Variants in RMC1 observed in about 807,000 individuals in gnomAD.
The protein encoded by RMC1 is regulator of MON1-CCZ1 complex.
A neutral mutation model predicts 95.5 loss-of-function variants in RMC1; 44 were observed. The ratio of observed to expected loss-of-function variants is 0.46; its 90% CI spans 0.36 to 0.59. RMC1 has a LOEUF of 0.59. Among genes scored for constraint, RMC1 ranks in the 20% least tolerant of loss-of-function variants. RMC1 has a pLI of 0.00. For synonymous variants in RMC1, 320 were observed against 303.6 expected, an observed-to-expected ratio of 1.05 and a Z score of -0.56; for missense variants, 705 against 819.6, an observed-to-expected ratio of 0.86 and a Z score of 1.71.
chr18:23,531,487 T>G, intron 19 of RMC1, 138 bp from the exon 20 acceptor site: 1 of 1,451,558 alleles, frequency 6.9e-7, no homozygotes, highest in Non-Finnish European at 9.0e-7. Context: ...GCAGATAGGG[T>G]AACCCCAAAA....
chr18:23,514,296 T>G (rs1598862001), intron 5 of RMC1, among the ~76,000 whole-genome samples: 1 of 152,184 alleles, frequency 6.6e-6, no homozygotes, highest in East Asian at 1.9e-4. Context: ...TGGGCGATCA[T>G]CTGAGGTCAG....
exon 20 of RMC1, chr18:23,531,818 A>AAAAATATGGTATAGAACTTGT: frequency 6.7e-7 from 1 of 1,501,554 alleles, no homozygotes; most frequent in Non-Finnish European, 8.8e-7. Flanking sequence ...AACTGTCACT[A>AAAAATATGGTATAGAACTTGT]AAAATATGGT....
rs1335003152 is a variant in RMC1, at chr18:23,531,717, T to G, written c.*13T>G. 1 of 1,599,394 alleles carries G rather than the reference T, an allele frequency of 6.3e-7. No individual in the cohort carries two copies. Among genetic ancestry groups the G allele is most frequent in the East Asian group, 2.2e-5 (1 of 44,798 alleles). On this transcript the variant is annotated 3_prime_UTR_variant, in exon 20 of 20. Coordinates refer to ENST00000269221, the MANE Select transcript of RMC1 (RefSeq NM_013326.5). ...TACAACATTCTGAAATCACTTGCTG[T>G]TTTTTTATATAAAAATGTGTACAAA...
intron 7 of RMC1, among the ~76,000 whole-genome samples, chr18:23,517,951 C>T (rs563496167): frequency 2.6e-5 from 4 of 152,238 alleles, no homozygotes; most frequent in Admixed American, 1.3e-4. Flanking sequence ...CTCCTGGGCT[C>T]GGGTGATCCT....
intron 12 of RMC1, among the ~76,000 whole-genome samples, chr18:23,526,322 C>G (rs1359985511): frequency 6.6e-6 from 1 of 152,182 alleles, no homozygotes; most frequent in Non-Finnish European, 1.5e-5. Flanking sequence ...GGGGCTAGGT[C>G]TAGGGAAGTC....
Position 23,503,511 on chromosome 18 carries a change from A to T in RMC1, c.-108A>T. On this transcript the variant is annotated 5_prime_UTR_variant, in exon 1 of 20. Coordinates refer to ENST00000269221, the MANE Select transcript of RMC1 (RefSeq NM_013326.5). ...AGGAAGCGGCGTCCGCGCCGGGCCC[A>T]GAGCCGCAGCCGCAGCCGCCGCTAC... is the stretch of plus-strand genomic sequence containing the variant. The T allele has an allele frequency of 1.5e-6, 1 of 667,288 alleles. No homozygotes were observed. Among genetic ancestry groups the T allele is most frequent in the Non-Finnish European group, 2.1e-6 (1 of 466,630 alleles). The allele number at this position is 667,288 out of a possible 1,614,324, so 41.3% of individuals were successfully genotyped here.
intron 5 of RMC1, among the ~76,000 whole-genome samples, chr18:23,512,347 A>G (rs568120204): frequency 1.3e-5 from 2 of 152,128 alleles, no homozygotes; most frequent in African/African-American, 4.8e-5. Flanking sequence ...TGCATTTTAC[A>G]TTACTAGGGA....
At chr18:23,528,524 A>G (rs2058376209) in intron 14 of RMC1, 1 of 153,080 alleles carries the variant, frequency 6.5e-6, no homozygotes, top group South Asian at 2.1e-4. Context: ...TTAAACCAAC[A>G]AAAGCCCCAG....
rs147613564 is a variant in RMC1 at position 23,527,070 on chromosome 18, CAT to C, written c.1189+308_1189+309del. The stretch of plus-strand genomic sequence containing the variant: ...CTTTCAAAATCCAAGCCACTCACTG[CAT>C]ATGTGTCTTCTTTAAGAATCCCCTA... On this transcript the variant is annotated intron_variant, in intron 13 of 19. Coordinates refer to ENST00000269221, the MANE Select transcript of RMC1 (RefSeq NM_013326.5). 5.1e-3 allele frequency among the ~76,000 whole-genome samples: 776 copies of C among 152,210 alleles called. 5 individuals carry two copies. The highest frequency in any genetic ancestry group is 0.018 in the African/African-American group (739 of 41,520).
intron 9 of RMC1, 47 bp downstream of exon 9, chr18:23,519,221 C>T (rs1420843968): frequency 1.3e-6 from 2 of 1,562,294 alleles, no homozygotes; most frequent in Admixed American, 1.7e-5. Flanking sequence ...GCTTAAAAGC[C>T]TTGTGAAAAT....
chr18:23,510,533 G>C (rs1206630700), intron 5 of RMC1, among the ~76,000 whole-genome samples: 1 of 152,086 alleles, frequency 6.6e-6, no homozygotes, highest in African/African-American at 2.4e-5. Flanking sequence ...TGTAATCCCA[G>C]CTACTAGGGA....
At chr18:23,512,256 A>T (rs1456612578) in intron 5 of RMC1, among the ~76,000 whole-genome samples, 1 of 151,334 alleles carries the variant, frequency 6.6e-6, no homozygotes, top group Non-Finnish European at 1.5e-5. Flanking sequence ...CCTGGCCTCA[A>T]ATAATCCACC....
intron 14 of RMC1, chr18:23,528,353 C>G (rs2058369863): frequency 1.3e-5 from 2 of 157,012 alleles, no homozygotes; most frequent in African/African-American, 4.8e-5. Flanking sequence ...TAGCACTTAG[C>G]AGGCGTGTTT....
Position 23,520,326 on chromosome 18 carries a change from C to G in RMC1, c.961+13C>G. 1 of 1,596,464 alleles carries G rather than the reference C, an allele frequency of 6.3e-7. No individual in the cohort carries two copies. Among genetic ancestry groups the G allele is most frequent in the Non-Finnish European group, 8.6e-7 (1 of 1,164,352 alleles). Reference sequence around the variant, plus strand: ...ATCCCCATCACAGGTAACACGGGTTCTGTAGAGGAGTCTGTGCTGCCCTTT... The same window carrying G: ...ATCCCCATCACAGGTAACACGGGTTGTGTAGAGGAGTCTGTGCTGCCCTTT... On this transcript the variant is annotated intron_variant, in intron 10 of 19. Transcript: ENST00000269221.
rs375614002 is a variant in RMC1 at position 23,518,005 on chromosome 18, G to A, written c.654-885G>A. Among the ~76,000 whole-genome samples the A allele has an allele frequency of 5.8e-4, 89 of 152,268 alleles. 2 individuals are homozygous for A. Among genetic ancestry groups the A allele is most frequent in the East Asian group, 2.1e-3 (11 of 5,172 alleles). ...AGTGCTGGGTTTATAGGCATGAGCC[G>A]CCGTGCCCAGCCAGCATTCCTGTTT... On this transcript the variant is annotated intron_variant, in intron 7 of 19. Coordinates refer to ENST00000269221, the MANE Select transcript of RMC1 (RefSeq NM_013326.5).
intron 5 of RMC1, among the ~76,000 whole-genome samples, chr18:23,511,911 CAT>C (rs769970741): frequency 3.7e-4 from 56 of 151,984 alleles, no homozygotes; most frequent in African/African-American, 9.6e-4. Context: ...TTCTTCTAGA[CAT>C]GTGTATTTTC....
chr18:23,524,633 G>A (rs2058240278), intron 12 of RMC1, 151 bp downstream of exon 12: 1 of 705,698 alleles, frequency 1.4e-6, no homozygotes, highest in Non-Finnish European at 2.4e-6. Flanking sequence ...CACTTTATAC[G>A]TTTTTTACTA....
In RMC1 at chr18:23,509,548, A is replaced by ATTATT. The variant is rs543607446; in HGVS notation, c.408+292_408+296dup. On this transcript the variant is annotated intron_variant, in intron 5 of 19. Transcript: ENST00000269221. ...CCATGCCTGGCTAATTTTTCTTTTT[A>ATTATT]TTATTTTATTTTATTTTATTTTATT... is the stretch of plus-strand genomic sequence containing the variant. 526 of 181,084 alleles carry ATTATT rather than the reference A, an allele frequency of 2.9e-3. 2 individuals carry two copies. Among genetic ancestry groups the ATTATT allele is most frequent in the Non-Finnish European group, 4.6e-3 (404 of 88,588 alleles). 11.2% of individuals were successfully genotyped at this position (181,084 alleles called of 1,614,324 possible).
At chr18:23,529,401 A>C in intron 15 of RMC1, 103 bp downstream of exon 15, 1 of 1,468,542 alleles carries the variant, frequency 6.8e-7, no homozygotes, top group Non-Finnish European at 9.0e-7. Flanking sequence ...TGAAGTGATT[A>C]GAATCACTGG....
Sources: gnomAD v4.1 joint callset for allele counts (sites outside exome capture counted in the v4.1 genomes callset) on GRCh38, gnomAD v4.1.1 for gene constraint, MANE v1.5 for transcripts, NCBI Gene and HGNC (gene_info 2026-07-23, HGNC 2026-07-21) for gene names.